The following METTL22 variants were observed in gnomAD, a reference collection of about 807,000 sequenced individuals.
The protein encoded by METTL22 is methyltransferase-like protein 22.
METTL22 carries 51 observed loss-of-function variants against 48.4 expected under a neutral mutation model. The observed-to-expected ratio is 1.05, with a 90% CI of 0.84 to 1.33. The LOEUF is 1.33. Ranked by LOEUF, METTL22 falls within the 40% of genes most tolerant of loss-of-function variation. The pLI is 0.00. For synonymous variants in METTL22, 255 were observed against 214.1 expected, an observed-to-expected ratio of 1.19 and a Z score of -1.67; for missense variants, 678 against 526.9, an observed-to-expected ratio of 1.29 and a Z score of -2.81.
intron 3 of METTL22, among the ~76,000 whole-genome samples, chr16:8,633,308 G>A (rs972658952): frequency 7.9e-5 from 12 of 152,138 alleles, no homozygotes; most frequent in African/African-American, 2.7e-4. Context: ...GCAGGCTGAA[G>A]AGCTAGAAAA....
chr16:8,621,993 C>G (rs1038850712), intron 1 of METTL22, among the ~76,000 whole-genome samples: 2 of 152,216 alleles, frequency 1.3e-5, no homozygotes, highest in African/African-American at 2.4e-5. Context: ...ACCTCTCCTT[C>G]GGTTCTAGAT....
At chr16:8,657,019 C>T in the METTL22 span, among the ~76,000 whole-genome samples, 1 of 152,220 alleles carries the variant, frequency 6.6e-6, no homozygotes, top group African/African-American at 2.4e-5. Flanking sequence ...ACAGAGTCCT[C>T]TTGCCCTAAT....
At chr16:8,642,059 G>A in intron 7 of METTL22, 68 bp from the exon 8 acceptor site, 1 of 1,264,776 alleles carries the variant, frequency 7.9e-7, no homozygotes, top group Non-Finnish European at 1.2e-6. Flanking sequence ...CTTTTGGTCA[G>A]TCCCAGTGAG....
the METTL22 span, among the ~76,000 whole-genome samples, chr16:8,663,487 T>G: frequency 2.0e-5 from 3 of 152,102 alleles, no homozygotes; most frequent in South Asian, 4.2e-4. Flanking sequence ...AACACATACC[T>G]GGATGTTCCA....
At chr16:8,653,758 TAGTTA>T (rs769879523), downstream of METTL22, among the ~76,000 whole-genome samples, 2 of 6,494 alleles carry the variant, frequency 3.1e-4, no homozygotes, top group Non-Finnish European at 6.7e-3. Context: ...AAGACTCAGT[TAGTTA>T]AACCTGCTTC....
intron 3 of METTL22, among the ~76,000 whole-genome samples, chr16:8,632,338 A>G (rs1596342932): frequency 6.6e-6 from 1 of 152,168 alleles, no homozygotes; most frequent in African/African-American, 2.4e-5. Context: ...AGACTCCCAA[A>G]TGACTTCATT....
chr16:8,632,087 C>G (rs1288679487), intron 3 of METTL22: 1 of 152,222 alleles, frequency 6.6e-6, no homozygotes, highest in Non-Finnish European at 1.5e-5. Flanking sequence ...CTCGGAATCT[C>G]TGCACTCCGG....
chr16:8,626,475 A>G (rs1290399947), intron 2 of METTL22, among the ~76,000 whole-genome samples: 1 of 143,266 alleles, frequency 7.0e-6, no homozygotes, highest in Non-Finnish European at 1.5e-5. Flanking sequence ...TTGAGACGGA[A>G]GCTCGCTCTG....
the METTL22 span, among the ~76,000 whole-genome samples, chr16:8,660,616 C>G: frequency 7.2e-5 from 11 of 151,992 alleles, no homozygotes; most frequent in African/African-American, 2.2e-4. Context: ...TACATACTCA[C>G]TACTGACTTT....
intron 5 of METTL22, among the ~76,000 whole-genome samples, chr16:8,636,668 G>A (rs555799570): frequency 2.5e-5 from 3 of 120,890 alleles, no homozygotes; most frequent in African/African-American, 6.4e-5. Flanking sequence ...TTTTGCATTT[G>A]TCAGTTACAC....
intron 3 of METTL22, among the ~76,000 whole-genome samples, chr16:8,634,339 C>A (rs2056358551): frequency 6.6e-6 from 1 of 152,186 alleles, no homozygotes. Context: ...TTTCCCTCCT[C>A]GGGAGCTCTT....
chr16:8,644,445 C>A, intron 9 of METTL22, 112 bp from the exon 10 acceptor site: 2 of 1,102,524 alleles, frequency 1.8e-6, no homozygotes, highest in Non-Finnish European at 2.6e-6. Context: ...TCAGTAAAAG[C>A]CCGTCCAGGG....
intron 9 of METTL22, among the ~76,000 whole-genome samples, chr16:8,643,670 A>G (rs140774996): frequency 3.3e-5 from 5 of 152,114 alleles, no homozygotes; most frequent in African/African-American, 1.2e-4. Flanking sequence ...CTGGAGTGTG[A>G]TGGTGCGATC....
At chr16:8,662,934 G>A in the METTL22 span, among the ~76,000 whole-genome samples, 4 of 144,374 alleles carry the variant, frequency 2.8e-5, no homozygotes, top group South Asian at 2.3e-4. Flanking sequence ...ATCACCAGGC[G>A]TGGTGGCTCA....
At chr16:8,638,943 A>G (rs1267182160) in intron 5 of METTL22, 148 bp from the exon 6 acceptor site, 4 of 714,124 alleles carry the variant, frequency 5.6e-6, no homozygotes, top group Admixed American at 2.3e-5. Flanking sequence ...AGGTGAGGGT[A>G]TTTAATTTTG....
chr16:8,627,193 A>C (rs55719534), intron 2 of METTL22, among the ~76,000 whole-genome samples: 5,868 of 152,132 alleles, frequency 0.039, 376 homozygotes, highest in African/African-American at 0.14. Flanking sequence ...AAATCACAGC[A>C]CTTCCTGAGT....
chr16:8,645,994 C>A, intron 10 of METTL22, 114 bp from the exon 11 acceptor site: 4 of 1,520,996 alleles, frequency 2.6e-6, no homozygotes, highest in East Asian at 2.4e-5. Flanking sequence ...CTCGCCTGCT[C>A]CGTGGCTGAC....
intron 5 of METTL22, among the ~76,000 whole-genome samples, chr16:8,635,577 C>T (rs932837470): frequency 6.6e-6 from 1 of 152,194 alleles, no homozygotes. Context: ...CTGCTGGTAC[C>T]TCTCTCCCCA....
chr16:8,645,864 C>A, intron 10 of METTL22: 1 of 1,262,270 alleles, frequency 7.9e-7, no homozygotes, highest in South Asian at 1.9e-5. Context: ...TGTTTGACAT[C>A]CTCTGATGCA....
Sources: allele counts gnomAD v4.1 joint callset (sites outside exome capture counted in the v4.1 genomes callset), GRCh38; gene constraint gnomAD v4.1.1; transcripts MANE v1.5; gene names NCBI Gene and HGNC (gene_info 2026-07-23, HGNC 2026-07-21).